Variants in NEDD4L observed in about 807,000 individuals in gnomAD.
NEDD4L encodes NEDD4 like E3 ubiquitin protein ligase.
In NEDD4L, 54 loss-of-function variants were observed where a neutral mutation model predicts 148.9. The observed-to-expected ratio is 0.36, with a 90% CI of 0.29 to 0.45. The LOEUF is 0.45. NEDD4L is among the 20% of genes least tolerant of loss of function. NEDD4L has a pLI of 1.00. For synonymous variants in NEDD4L, 433 were observed against 440.7 expected, an observed-to-expected ratio of 0.98 and a Z score of 0.22; for missense variants, 856 against 1,233.8, an observed-to-expected ratio of 0.69 and a Z score of 4.59.
intron 1 of NEDD4L, among the ~76,000 whole-genome samples, chr18:58,098,691 T>A (rs1015354285): frequency 3.3e-5 from 5 of 152,302 alleles, no homozygotes; most frequent in Non-Finnish European, 7.4e-5. Flanking sequence ...TCTCACACTT[T>A]CCGGAATTAT....
At chr18:58,184,343 CTGCT>C (rs75343195) in intron 2 of NEDD4L, among the ~76,000 whole-genome samples, 26,004 of 151,972 alleles carry the variant, frequency 0.17, 2,410 homozygotes, top group East Asian at 0.35. Context: ...CACCAGCAGC[CTGCT>C]TGGTGTGGTT....
At chr18:58,188,896 A>C (rs2039776894) in intron 2 of NEDD4L, among the ~76,000 whole-genome samples, 1 of 152,160 alleles carries the variant, frequency 6.6e-6, no homozygotes, top group African/African-American at 2.4e-5. Context: ...GGTAGAAGCC[A>C]GGAGTGGATT....
At chr18:58,382,463 G>A (rs984407343) in intron 24 of NEDD4L, among the ~76,000 whole-genome samples, 4 of 152,244 alleles carry the variant, frequency 2.6e-5, no homozygotes, top group Non-Finnish European at 4.4e-5. Context: ...CTTTCTTTCA[G>A]TAGGAGAGGT....
chr18:58,289,062 T>C (rs1233761091), intron 5 of NEDD4L, among the ~76,000 whole-genome samples: 3 of 152,242 alleles, frequency 2.0e-5, no homozygotes, highest in Non-Finnish European at 2.9e-5. Context: ...ATCTGCATAT[T>C]ACTTTAACTA....
intron 2 of NEDD4L, among the ~76,000 whole-genome samples, chr18:58,219,732 T>G (rs79884725): frequency 0.012 from 1,858 of 152,206 alleles, 39 homozygotes; most frequent in African/African-American, 0.043. Context: ...TTAAATACCC[T>G]CTCTCTAAAT....
intron 5 of NEDD4L, among the ~76,000 whole-genome samples, chr18:58,288,419 TCAGA>T (rs1005138496): frequency 1.6e-4 from 25 of 152,354 alleles, no homozygotes; most frequent in Non-Finnish European, 4.4e-5. Context: ...CATATAAGTA[TCAGA>T]CAGTTTATGT....
intron 5 of NEDD4L, among the ~76,000 whole-genome samples, chr18:58,293,473 T>A (rs1470605529): frequency 2.0e-5 from 3 of 152,306 alleles, no homozygotes; most frequent in African/African-American, 7.2e-5. Context: ...TATGTTTCAA[T>A]GTCGTAAAAA....
chr18:58,313,263 TA>T (rs68191008), intron 5 of NEDD4L, among the ~76,000 whole-genome samples: 11,199 of 152,264 alleles, frequency 0.074, 1,334 homozygotes, highest in African/African-American at 0.25. Context: ...TTTACTGTTT[TA>T]AAACATTTTT....
At chr18:58,322,248 A>G (rs995556502) in intron 6 of NEDD4L, among the ~76,000 whole-genome samples, 177 bp from the exon 7 acceptor site, 2 of 152,178 alleles carry the variant, frequency 1.3e-5, no homozygotes, top group Non-Finnish European at 1.5e-5. Context: ...GGATAGTGAC[A>G]TCTAGTGGAT....
At chr18:58,268,118 A>C (rs907762049) in intron 5 of NEDD4L, among the ~76,000 whole-genome samples, 1 of 152,014 alleles carries the variant, frequency 6.6e-6, no homozygotes, top group African/African-American at 2.4e-5. Flanking sequence ...CCAACCCCCC[A>C]ATGGGGTTCA....
chr18:58,176,582 G>T (rs1323712203), intron 2 of NEDD4L, among the ~76,000 whole-genome samples: 1 of 152,164 alleles, frequency 6.6e-6, no homozygotes, highest in Non-Finnish European at 1.5e-5. Context: ...TGACCCTCCC[G>T]CCTTGGCCTC....
Position 58,346,630 on chromosome 18 carries a change from A to G in NEDD4L, c.1576-2907A>G, listed in dbSNP as rs544557861. On this transcript the variant is annotated intron_variant, in intron 16 of 30. Transcript: ENST00000400345. ...CTTTTTTTTAATCCCTGTGTTTTAT[A>G]TATTTTGAATTAGGAAAGCCCTTTT... Among the ~76,000 whole-genome samples, 34 of 152,272 alleles carry G rather than the reference A, an allele frequency of 2.2e-4. 1 individual carries two copies. In the South Asian group the frequency reaches 2.5e-3, roughly 11 times the overall value.
rs1041564177 is a variant in NEDD4L, at chr18:58,396,409, C to T, written c.*140C>T. ...TGGAGCCGAGCCTTCACCACGCACT[C>T]GTCCAAGTTCGGATGCGGGAACCTG... On this transcript the variant is annotated 3_prime_UTR_variant, in exon 31 of 31. Coordinates refer to ENST00000400345, the MANE Select transcript of NEDD4L (RefSeq NM_001144967.3). 1.9e-5 allele frequency: 11 copies of T among 580,310 alleles called. No individual in the cohort carries two copies. The highest frequency in any genetic ancestry group is 1.3e-4 in the African/African-American group (7 of 53,262). The allele number at this position is 580,310 out of a possible 1,614,324, so 35.9% of individuals were successfully genotyped here.
At chr18:58,055,194 G>A (rs1000385311) in intron 1 of NEDD4L, among the ~76,000 whole-genome samples, 1 of 152,296 alleles carries the variant, frequency 6.6e-6, no homozygotes, top group African/African-American at 2.4e-5. Context: ...AGTGGCTCAC[G>A]CCTGTAATCT....
intron 5 of NEDD4L, among the ~76,000 whole-genome samples, chr18:58,260,219 T>G (rs934930738): frequency 6.6e-6 from 1 of 152,184 alleles, no homozygotes; most frequent in South Asian, 2.1e-4. Flanking sequence ...GAAAAACAAG[T>G]AGCATTCTTT....
chr18:58,370,612 A>C, intron 23 of NEDD4L, 145 bp downstream of exon 23: 1 of 676,212 alleles, frequency 1.5e-6, no homozygotes, highest in South Asian at 1.6e-5. Context: ...TTGCTTGAAA[A>C]GTTCATTGAT....
At chr18:58,358,448 T>A (rs927657184) in intron 19 of NEDD4L, among the ~76,000 whole-genome samples, 4 of 152,212 alleles carry the variant, frequency 2.6e-5, no homozygotes, top group Non-Finnish European at 5.9e-5. Flanking sequence ...ACAAGGTAAA[T>A]TCAAGAAACT....
At chr18:58,390,582 C>A in intron 28 of NEDD4L, 64 bp from the exon 29 acceptor site, 2 of 998,122 alleles carry the variant, frequency 2.0e-6, no homozygotes, top group Non-Finnish European at 3.1e-6. Flanking sequence ...TGCCTGCCTG[C>A]ATGACAGCAG....
intron 20 of NEDD4L, 57 bp downstream of exon 20, chr18:58,364,390 G>A (rs2045867383): frequency 9.4e-7 from 1 of 1,064,956 alleles, no homozygotes. Flanking sequence ...AGTTACCACA[G>A]TCACTTCAGT....
Sources: allele counts gnomAD v4.1 joint callset (sites outside exome capture counted in the v4.1 genomes callset), GRCh38; gene constraint gnomAD v4.1.1; transcripts MANE v1.5; gene names NCBI Gene and HGNC (gene_info 2026-07-23, HGNC 2026-07-21).